Variants in DAAM1 observed in about 807,000 individuals in gnomAD.
DAAM1 encodes dishevelled associated activator of morphogenesis 1.
In DAAM1, 52 loss-of-function variants were observed where a neutral mutation model predicts 130.0. The observed-to-expected ratio is 0.40, with a 90% confidence interval of 0.32 to 0.50. The LOEUF (loss-of-function observed/expected upper bound fraction) is 0.50. Ranked by LOEUF, DAAM1 falls within the 20% of genes least tolerant of loss-of-function variation. The probability of loss-of-function intolerance (pLI) is 0.61; values close to 1 mark genes in which losing one functional copy is unlikely to be tolerated. For missense variants in DAAM1, 1,134 were observed against 1,303.8 expected (o/e 0.87, Z 2.01); for synonymous variants, 452 against 444.5 (o/e 1.02, Z -0.21).
At chr14:59,224,335 G>T (rs1037759816) in intron 1 of DAAM1, among the ~76,000 whole-genome samples, 1 of 152,184 alleles carries the variant, frequency 6.6e-6, no homozygotes, top group Non-Finnish European at 1.5e-5. Flanking sequence ...GAGCTGAATT[G>T]GAAGATATGG....
At position 59,326,060 on chromosome 14, in the gene DAAM1, A is replaced by G; in HGVS notation, c.1157A>G (p.His386Arg). Residue 386 changes from histidine (H) to arginine (R), a missense_variant, in exon 10 of 25, where the codon CAC (histidine) becomes CGC (arginine). This residue lies in a region of DAAM1 where 391 missense variants were observed against 521.6 expected (regional missense o/e 0.75). Transcript: ENST00000360909. ...AYPHFMSILH[H>R]CLQMPYKRSG... Reference sequence around the variant, plus strand: ...CCGCATTTCATGTCCATCCTGCACCACTGCCTCCAAATGCCTTGTAAGTGT... The same window carrying G: ...CCGCATTTCATGTCCATCCTGCACCGCTGCCTCCAAATGCCTTGTAAGTGT... 7 of 1,614,158 alleles carry G rather than the reference A, an allele frequency of 4.3e-6. No homozygotes were observed. Among genetic ancestry groups the G allele is most frequent in the Non-Finnish European group, 5.9e-6 (7 of 1,179,998 alleles).
intron 12 of DAAM1, among the ~76,000 whole-genome samples, chr14:59,329,154 T>C (rs1476629513): frequency 6.6e-6 from 1 of 152,196 alleles, no homozygotes; most frequent in Non-Finnish European, 1.5e-5. Flanking sequence ...AGCCCTGTAG[T>C]CGACCTACAA....
intron 4 of DAAM1, among the ~76,000 whole-genome samples, chr14:59,318,867 C>T (rs537071060): frequency 1.2e-4 from 19 of 152,254 alleles, no homozygotes; most frequent in Admixed American, 1.0e-3. Context: ...TCAAATGTGC[C>T]ACCCTCTCCA....
At chr14:59,247,775 G>A (rs944457385) in intron 1 of DAAM1, among the ~76,000 whole-genome samples, 1 of 151,106 alleles carries the variant, frequency 6.6e-6, no homozygotes, top group African/African-American at 2.4e-5. Flanking sequence ...TCTCTAGAAG[G>A]AGCCACTCTT....
chr14:59,360,904 A>C, intron 22 of DAAM1, 42 bp downstream of exon 22: 1 of 1,590,470 alleles, frequency 6.3e-7, no homozygotes, highest in Non-Finnish European at 8.6e-7. Context: ...TGGTCTCTTC[A>C]CTATCTCTAG....
chr14:59,312,636 C>T (rs904416193), intron 3 of DAAM1, among the ~76,000 whole-genome samples: 7 of 152,058 alleles, frequency 4.6e-5, no homozygotes, highest in Non-Finnish European at 1.0e-4. Flanking sequence ...TAAATGCATC[C>T]TTGTACATTT....
intron 12 of DAAM1, among the ~76,000 whole-genome samples, chr14:59,327,398 G>GTTTTTTTTTTTTTT (rs1338982717): frequency 9.6e-5 from 7 of 72,762 alleles, no homozygotes; most frequent in South Asian, 3.8e-4. Context: ...AGGTCACTTG[G>GTTTTTTTTTTTTTT]TTTCTTTTTT....
chr14:59,353,758 C>G, intron 18 of DAAM1, 118 bp from the exon 19 acceptor site: 1 of 832,476 alleles, frequency 1.2e-6, no homozygotes. Context: ...GTATGTGTGT[C>G]GGGGGAGTGG....
chr14:59,228,689 T>G lies in DAAM1; in HGVS notation c.-37-34752T>G, dbSNP rs77122744. 6.0e-3 allele frequency among the ~76,000 whole-genome samples: 909 copies of G among 152,330 alleles called. 13 individuals are homozygous for G. The highest frequency in any genetic ancestry group is 0.021 in the African/African-American group (879 of 41,576). On this transcript the variant is annotated intron_variant, in intron 1 of 24. Coordinates refer to ENST00000360909, the MANE Select transcript of DAAM1 (RefSeq NM_001270520.2). ...TGTTCTGTGCTTGATGGCTTTTTCT[T>G]ATTCTCCACTCAGAACCACCTGGAG...
intron 15 of DAAM1, among the ~76,000 whole-genome samples, chr14:59,334,011 A>G (rs1445339167): frequency 6.6e-6 from 1 of 152,226 alleles, no homozygotes; most frequent in Non-Finnish European, 1.5e-5. Flanking sequence ...ACTTAACACT[A>G]AGTAGACCAG....
chr14:59,348,392 C>T (rs1048969805), intron 17 of DAAM1, among the ~76,000 whole-genome samples: 29 of 152,174 alleles, frequency 1.9e-4, no homozygotes, highest in African/African-American at 6.5e-4. Context: ...TTGTTGATCT[C>T]GCACATATTC....
At chr14:59,330,189 A>G (rs762759682) in intron 12 of DAAM1, among the ~76,000 whole-genome samples, 14 of 152,182 alleles carry the variant, frequency 9.2e-5, no homozygotes, top group Non-Finnish European at 1.3e-4. Flanking sequence ...TTCTGAATCA[A>G]CTACCAAACA....
chr14:59,237,087 G>A (rs962476282), intron 1 of DAAM1, among the ~76,000 whole-genome samples: 19 of 152,136 alleles, frequency 1.2e-4, no homozygotes, highest in African/African-American at 4.6e-4. Flanking sequence ...GCCGCAATTT[G>A]CACACCCCTA....
chr14:59,322,152 A>G (rs1438097389), intron 5 of DAAM1, among the ~76,000 whole-genome samples: 3 of 152,186 alleles, frequency 2.0e-5, no homozygotes, highest in Non-Finnish European at 2.9e-5. Flanking sequence ...AATTTAAGGA[A>G]GCTTTTGACT....
intron 1 of DAAM1, among the ~76,000 whole-genome samples, chr14:59,242,593 C>T (rs568775743): frequency 6.6e-6 from 1 of 152,174 alleles, no homozygotes; most frequent in Non-Finnish European, 1.5e-5. Context: ...GAGTCTCGCT[C>T]TATCCCCCAG....
At chr14:59,361,535 G>C (rs2139684448) in intron 22 of DAAM1, among the ~76,000 whole-genome samples, 1 of 152,338 alleles carries the variant, frequency 6.6e-6, no homozygotes, top group East Asian at 1.9e-4. Flanking sequence ...GGCTTAAGAG[G>C]GTAGGGTAAA....
Position 59,352,635 on chromosome 14 carries a change from G to A in DAAM1, c.2267+3G>A. 2 of 1,610,730 alleles carry A rather than the reference G, an allele frequency of 1.2e-6. No homozygotes were observed. Among genetic ancestry groups the A allele is most frequent in the African/African-American group, 2.7e-5 (2 of 74,980 alleles). On this transcript the variant is annotated splice_donor_region_variant and intron_variant, in intron 18 of 24. Coordinates refer to ENST00000360909, the MANE Select transcript of DAAM1 (RefSeq NM_001270520.2). ...AGGTTCCTTTTTGAGATGAGCCGGT[G>A]AGTTTGAAAATGCTGGGAATGTGAA...
chr14:59,319,803 T>C (rs1884936381), intron 4 of DAAM1, among the ~76,000 whole-genome samples: 1 of 152,120 alleles, frequency 6.6e-6, no homozygotes, highest in South Asian at 2.1e-4. Context: ...GAATGCAACA[T>C]CTCAGACCTC....
At chr14:59,350,597 C>T (rs1886253791) in intron 17 of DAAM1, among the ~76,000 whole-genome samples, 1 of 152,118 alleles carries the variant, frequency 6.6e-6, no homozygotes, top group Non-Finnish European at 1.5e-5. Context: ...CTCTGCTGCA[C>T]TGTCCTCCTC....
Sources: allele counts gnomAD v4.1 joint callset (sites outside exome capture counted in the v4.1 genomes callset), GRCh38; gene constraint gnomAD v4.1.1; regional missense constraint gnomAD v4.1.1; transcripts MANE v1.5; gene names NCBI Gene and HGNC (gene_info 2026-07-23, HGNC 2026-07-21).